Variants in CSMD3 observed in about 807,000 individuals in gnomAD.
CSMD3 encodes CUB and sushi domain-containing protein 3.
CSMD3 carries 177 observed loss-of-function variants against 435.2 expected under a neutral mutation model. The observed-to-expected ratio is 0.41, with a 90% CI of 0.36 to 0.46. The LOEUF is 0.46. Among genes scored for constraint, CSMD3 ranks in the 20% least tolerant of loss-of-function variants. The probability of loss-of-function intolerance (pLI) is 0.34; values close to 1 mark genes in which losing one functional copy is unlikely to be tolerated. For synonymous variants in CSMD3, 1,656 were observed against 1,520.5 expected, an observed-to-expected ratio of 1.09 and a Z score of -2.07; for missense variants, 4,265 against 4,504.6, an observed-to-expected ratio of 0.95 and a Z score of 1.52.
At chr8:112,495,128 AT>A (rs1196487249) in intron 30 of CSMD3, among the ~76,000 whole-genome samples, 1 of 152,180 alleles carries the variant, frequency 6.6e-6, no homozygotes, top group East Asian at 1.9e-4. Context: ...GCAAGGGTTG[AT>A]TTGTTTATTT....
intron 32 of CSMD3, among the ~76,000 whole-genome samples, chr8:112,412,992 T>C (rs913809065): frequency 2.0e-5 from 3 of 152,126 alleles, no homozygotes; most frequent in African/African-American, 7.2e-5. Context: ...ACTGATCAAT[T>C]AAATCCATTC....
chr8:112,583,830 A>G (rs1246308732), intron 23 of CSMD3, among the ~76,000 whole-genome samples: 1 of 151,908 alleles, frequency 6.6e-6, no homozygotes, highest in Non-Finnish European at 1.5e-5. Flanking sequence ...ATTTTGTACC[A>G]GTTTTGTTCA....
chr8:112,256,079 C>A (rs1445610905), intron 61 of CSMD3, among the ~76,000 whole-genome samples: 2 of 152,046 alleles, frequency 1.3e-5, no homozygotes, highest in African/African-American at 2.4e-5. Flanking sequence ...GACAGGCTTT[C>A]TAAAAATTTT....
chr8:112,300,713 T>C (rs1159519795), intron 53 of CSMD3, among the ~76,000 whole-genome samples: 1 of 152,168 alleles, frequency 6.6e-6, no homozygotes, highest in East Asian at 1.9e-4. Flanking sequence ...TGTGCTCTTA[T>C]AAAGAAATTG....
intron 5 of CSMD3, among the ~76,000 whole-genome samples, chr8:113,026,551 C>T (rs1351775554): frequency 6.6e-6 from 1 of 152,136 alleles, no homozygotes; most frequent in Non-Finnish European, 1.5e-5. Context: ...TATTATTTTA[C>T]ATTTTCTTTA....
chr8:113,330,977 T>C (rs1311880337), intron 1 of CSMD3, among the ~76,000 whole-genome samples: 1 of 151,550 alleles, frequency 6.6e-6, no homozygotes, highest in East Asian at 1.9e-4. Context: ...ACCATATAAA[T>C]GAAATAGAAA....
Position 113,357,277 on chromosome 8 carries a change from T to C in CSMD3, c.179-42484A>G, listed in dbSNP as rs140056361. ...ACTTCTGTGAGCTGGTTGTGTTATT[T>C]CACTCTCGTTTCCAGATGGAGAAAC... On this transcript the variant is annotated intron_variant, in intron 1 of 70. Coordinates refer to ENST00000297405, the MANE Select transcript of CSMD3 (RefSeq NM_198123.2). 9.7e-3 allele frequency among the ~76,000 whole-genome samples: 1,474 copies of C among 152,322 alleles called. 8 individuals carry two copies. Among genetic ancestry groups the C allele is most frequent in the Non-Finnish European group, 0.015 (1,026 of 68,028 alleles).
At chr8:112,569,193 G>A (rs188442048) in intron 24 of CSMD3, among the ~76,000 whole-genome samples, 1 of 152,086 alleles carries the variant, frequency 6.6e-6, no homozygotes, top group Non-Finnish European at 1.5e-5. Flanking sequence ...CCTTAAACAT[G>A]CCCATAGTTA....
In CSMD3 at chr8:112,739,293, T is replaced by C. The variant is rs147473037; in HGVS notation, c.1973-49243A>G. ...TCTTGAGCTTTCATATATAATTTTC[T>C]GCAGTTTCCTATTCTTCCATAAGAA... On this transcript the variant is annotated intron_variant, in intron 13 of 70. Transcript: ENST00000297405. 2.3e-4 allele frequency among the ~76,000 whole-genome samples: 35 copies of C among 151,882 alleles called. No individual in the cohort carries two copies. The East Asian group carries it at 6.2e-3, about 27-fold the overall frequency.
At chr8:112,336,133 T>A (rs894808160) in intron 44 of CSMD3, among the ~76,000 whole-genome samples, 1 of 152,006 alleles carries the variant, frequency 6.6e-6, no homozygotes, top group Non-Finnish European at 1.5e-5. Flanking sequence ...TGGTATTGAA[T>A]TCTTGGGATG....
intron 2 of CSMD3, among the ~76,000 whole-genome samples, chr8:113,288,852 A>G (rs997144361): frequency 5.9e-5 from 9 of 151,910 alleles, no homozygotes; most frequent in African/African-American, 2.2e-4. Flanking sequence ...TGAGGTAAAT[A>G]CTAGGAATTA....
Position 112,311,031 on chromosome 8 carries a change from C to G in CSMD3, c.7832G>C (p.Arg2611Thr), listed in dbSNP as rs773713084. Reference protein sequence around the residue: ...RLVGKSSAVCRKSSYGYHAWD... With the variant: ...RLVGKSSAVCTKSSYGYHAWD... ...TGCATGATACCCATAGGAAGACTTT[C>G]TGCACACAGCACTGCTTTTTCCAAC... Residue 2611 changes from arginine to threonine, a missense_variant, in exon 50 of 71, where the codon AGA (arginine) becomes ACA (threonine). This residue lies in a region of CSMD3 where 3,255 missense variants were observed against 3,380.2 expected (regional missense o/e 0.96). Coordinates refer to ENST00000297405, the MANE Select transcript of CSMD3 (RefSeq NM_198123.2). 1.2e-6 allele frequency: 2 copies of G among 1,614,128 alleles called. No homozygotes were observed. The highest frequency in any genetic ancestry group is 1.1e-5 in the South Asian group (1 of 91,086).
chr8:112,492,687 T>TA lies in CSMD3; in HGVS notation c.5084-5dup, dbSNP rs758155082. The TA allele has an allele frequency of 9.3e-6, 15 of 1,611,578 alleles. No homozygotes were observed. The Admixed American group carries it at 2.5e-4, about 27-fold the overall frequency. ...AAGCAGGACTCTCGCAGTTTTGCTG[T>TA]AAAACAGTGTTAGTATAACATTAAT... On this transcript the variant is annotated splice_polypyrimidine_tract_variant and splice_region_variant and intron_variant, in intron 30 of 70. Coordinates refer to ENST00000297405, the MANE Select transcript of CSMD3 (RefSeq NM_198123.2).
At chr8:112,540,439 C>T (rs2131133542) in intron 27 of CSMD3, among the ~76,000 whole-genome samples, 1 of 152,038 alleles carries the variant, frequency 6.6e-6, no homozygotes, top group African/African-American at 2.4e-5. Context: ...GGGTATTTAT[C>T]CAAAAGAAAG....
intron 41 of CSMD3, among the ~76,000 whole-genome samples, chr8:112,342,433 ACT>A (rs1018426316): frequency 8.5e-5 from 13 of 152,142 alleles, no homozygotes; most frequent in African/African-American, 2.4e-4. Flanking sequence ...TACTATTATC[ACT>A]CTCTAAATTA....
intron 30 of CSMD3, among the ~76,000 whole-genome samples, chr8:112,497,715 T>A (rs1033989894): frequency 6.6e-6 from 1 of 152,030 alleles, no homozygotes; most frequent in Non-Finnish European, 1.5e-5. Context: ...AATAATGAGA[T>A]GTTTGTTTTA....
intron 5 of CSMD3, among the ~76,000 whole-genome samples, chr8:113,038,897 C>T (rs2087476703): frequency 6.6e-6 from 1 of 152,086 alleles, no homozygotes; most frequent in Non-Finnish European, 1.5e-5. Flanking sequence ...TTACTTCATG[C>T]CATTTTATCT....
intron 2 of CSMD3, among the ~76,000 whole-genome samples, chr8:113,297,010 CACA>C (rs2093727728): frequency 6.6e-6 from 1 of 152,222 alleles, no homozygotes; most frequent in East Asian, 1.9e-4. Flanking sequence ...TAAAGTTAAA[CACA>C]ACATTATTTA....
intron 6 of CSMD3, 30 bp from the exon 7 acceptor site, chr8:112,976,178 CTTTTTCTTT>C: frequency 6.2e-7 from 1 of 1,609,546 alleles, no homozygotes; most frequent in Non-Finnish European, 8.5e-7. Flanking sequence ...TAGATGCTAA[CTTTTTCTTT>C]TTAAATTTTG....
Sources: gnomAD v4.1 joint callset for allele counts (sites outside exome capture counted in the v4.1 genomes callset) on GRCh38, gnomAD v4.1.1 for gene constraint, gnomAD v4.1.1 regional missense constraint, MANE v1.5 for transcripts, NCBI Gene and HGNC (gene_info 2026-07-23, HGNC 2026-07-21) for gene names.